CEMIP2: variants seen among roughly 807,000 people sequenced by gnomAD.
CEMIP2 encodes cell surface hyaluronidase CEMIP2.
A neutral mutation model predicts 146.9 loss-of-function variants in CEMIP2; 79 were observed. That is an observed-to-expected ratio of 0.54 (90% CI 0.45 to 0.65). CEMIP2 has a LOEUF of 0.65. Among genes scored for constraint, CEMIP2 ranks in the 30% least tolerant of loss-of-function variants. The pLI, the probability that CEMIP2 is intolerant of heterozygous loss-of-function variation, is 0.00. For missense variants in CEMIP2, 1,596 were observed against 1,696.2 expected (o/e 0.94, Z 1.04); for synonymous variants, 601 against 606.3 (o/e 0.99, Z 0.13).
intron 1 of CEMIP2, among the ~76,000 whole-genome samples, chr9:71,767,561 GACACT>G (rs1439482107): frequency 2.0e-5 from 3 of 152,216 alleles, no homozygotes; most frequent in Admixed American, 1.3e-4. Context: ...GAAGTCTGGT[GACACT>G]CATCAACCCT....
chr9:71,744,802 C>T (rs758112628), intron 4 of CEMIP2, among the ~76,000 whole-genome samples: 1 of 152,176 alleles, frequency 6.6e-6, no homozygotes, highest in Non-Finnish European at 1.5e-5. Context: ...CACTCCAGTT[C>T]ACAAAGGGCT....
At position 71,732,343 on chromosome 9, in the gene CEMIP2, T is replaced by C. The variant is rs1345372373; in HGVS notation, c.1563+8A>G. The stretch of plus-strand genomic sequence containing the variant: ...ATTTCAAAGAAATAATCAAATCCTT[T>C]TGCCTACCATAATGTGTCCCCCAAA... On this transcript the variant is annotated splice_region_variant and intron_variant, in intron 7 of 23. Transcript: ENST00000377044. The C allele has an allele frequency of 1.9e-6, 3 of 1,585,856 alleles. No individual in the cohort carries two copies. The highest frequency in any genetic ancestry group is 2.6e-6 in the Non-Finnish European group (3 of 1,170,502).
At chr9:71,725,201 A>G (rs887675564) in intron 11 of CEMIP2, among the ~76,000 whole-genome samples, 2 of 152,222 alleles carry the variant, frequency 1.3e-5, no homozygotes, top group Admixed American at 1.3e-4. Context: ...CCCAAAAAGC[A>G]TGTGTTAGAA....
intron 17 of CEMIP2, among the ~76,000 whole-genome samples, chr9:71,705,479 G>C (rs1222230576): frequency 6.6e-6 from 1 of 152,084 alleles, no homozygotes; most frequent in Non-Finnish European, 1.5e-5. Flanking sequence ...ATCAGTATCT[G>C]TAACCAAATT....
Position 71,725,698 on chromosome 9 carries a change from T to C in CEMIP2, c.2061A>G (p.Ile687Met), listed in dbSNP as rs908841723. The C allele has an allele frequency of 3.7e-6, 6 of 1,612,834 alleles. No homozygotes were observed. In the African/African-American group the frequency reaches 6.7e-5, roughly 18 times the overall value. Reference protein sequence around the residue: ...NAAAGSQDAGIWYLFHKEPTG... With the variant: ...NAAAGSQDAGMWYLFHKEPTG... ...TTGGTTCCTTGTGGAATAAATACCA[T>C]ATTCCAGCATCCTACAAATGAAAGG... The change falls in exon 11 of 24, where the codon ATA becomes ATG. Residue 687 changes from isoleucine to methionine, a missense_variant. Ile to Met is a conservative substitution (Grantham distance 10, BLOSUM62 1). Coordinates refer to ENST00000377044, the MANE Select transcript of CEMIP2 (RefSeq NM_013390.3).
intron 17 of CEMIP2, among the ~76,000 whole-genome samples, chr9:71,706,292 T>C (rs758851783): frequency 3.3e-5 from 5 of 150,660 alleles, no homozygotes; most frequent in Non-Finnish European, 5.9e-5. Context: ...AATAGTTAAA[T>C]CATGATCATT....
At chr9:71,699,476 A>G in intron 19 of CEMIP2, 1 of 421,520 alleles carries the variant, frequency 2.4e-6, no homozygotes, top group Non-Finnish European at 4.6e-6. Context: ...GAAAGAAAGA[A>G]AGAAAAAGAA....
At chr9:71,712,389 C>A in intron 15 of CEMIP2, 129 bp from the exon 16 acceptor site, 1 of 776,650 alleles carries the variant, frequency 1.3e-6, no homozygotes, top group Non-Finnish European at 2.1e-6. Flanking sequence ...CAGTAGGAGC[C>A]AAAACAAGAT....
rs201268040 is a variant in CEMIP2, at chr9:71,738,245, A to AACCATG, written c.1204+1812_1204+1817dup. 5.1e-3 allele frequency among the ~76,000 whole-genome samples: 775 copies of AACCATG among 152,290 alleles called. 35 individuals carry two copies. The highest frequency in any genetic ancestry group is 0.047 in the Admixed American group (725 of 15,284). On this transcript the variant is annotated intron_variant, in intron 5 of 23. Coordinates refer to ENST00000377044, the MANE Select transcript of CEMIP2 (RefSeq NM_013390.3). ...TTTTCATATAAAATTTCAGTAATGC[A>AACCATG]ACCATGCCTGTCATCCCAGCACTTT... is the stretch of plus-strand genomic sequence containing the variant.
chr9:71,725,631 G>A lies in CEMIP2; in HGVS notation c.2128C>T (p.Leu710Phe), dbSNP rs1301647199. The A allele has an allele frequency of 6.2e-7, 1 of 1,613,994 alleles. No homozygotes were observed. ...TTATAAAATATACCCAATGGAGTGA[G>A]TTCTGGTTTTGCCAAGAGCTGCAAT... ...SGLQLLAKPELTPLGIFYNNR... is the reference protein window; with the variant it reads ...SGLQLLAKPEFTPLGIFYNNR... The change falls in exon 11 of 24, where the codon CTC becomes TTC. Residue 710 changes from leucine to phenylalanine, a missense_variant. Physicochemically the swap from Leu to Phe is conservative, Grantham distance 22. Coordinates refer to ENST00000377044, the MANE Select transcript of CEMIP2 (RefSeq NM_013390.3).
At chr9:71,715,237 CTTTTTTTTTTTTTTT>C (rs34322815) in intron 14 of CEMIP2, 148 bp from the exon 15 acceptor site, 6 of 232,770 alleles carry the variant, frequency 2.6e-5, no homozygotes, top group African/African-American at 1.7e-4. Context: ...TCAGAAACTG[CTTTTTTTTTTTTTTT>C]TTTTTTTTGA....
chr9:71,725,830 G>T, intron 10 of CEMIP2, 121 bp from the exon 11 acceptor site: 1 of 1,122,068 alleles, frequency 8.9e-7, no homozygotes, highest in Non-Finnish European at 1.2e-6. Flanking sequence ...TTTCATTATT[G>T]CAGGTTCAGA....
At chr9:71,687,713 A>G (rs1334621673) in intron 22 of CEMIP2, among the ~76,000 whole-genome samples, 3 of 152,046 alleles carry the variant, frequency 2.0e-5, no homozygotes, top group Non-Finnish European at 2.9e-5. Flanking sequence ...AAAAACAAAA[A>G]ATAACCAGCC....
At chr9:71,726,471 T>C (rs1417648966) in intron 10 of CEMIP2, among the ~76,000 whole-genome samples, 1 of 152,216 alleles carries the variant, frequency 6.6e-6, no homozygotes, top group Non-Finnish European at 1.5e-5. Context: ...AATCATACAG[T>C]GTAAAAGGAC....
chr9:71,738,161 A>T (rs904436041), intron 5 of CEMIP2, among the ~76,000 whole-genome samples: 1 of 152,206 alleles, frequency 6.6e-6, no homozygotes, highest in Admixed American at 6.5e-5. Context: ...CCCTACCCCA[A>T]ATTTCACATT....
intron 5 of CEMIP2, among the ~76,000 whole-genome samples, chr9:71,739,793 T>C (rs545427185): frequency 9.5e-4 from 145 of 152,302 alleles, no homozygotes; most frequent in African/African-American, 3.4e-3. Context: ...TCAGCTATTA[T>C]TAGTGTTACT....
chr9:71,693,967 G>A (rs565073485), intron 21 of CEMIP2, among the ~76,000 whole-genome samples: 6 of 152,268 alleles, frequency 3.9e-5, no homozygotes, highest in East Asian at 1.9e-4. Flanking sequence ...CCCCTGGACC[G>A]TTCTACCCTG....
chr9:71,719,733 A>G (rs1488060063), intron 12 of CEMIP2, among the ~76,000 whole-genome samples: 1 of 151,300 alleles, frequency 6.6e-6, no homozygotes, highest in Admixed American at 6.7e-5. Flanking sequence ...CTCTAAGCCA[A>G]CATCTACTCT....
intron 10 of CEMIP2, among the ~76,000 whole-genome samples, chr9:71,727,167 G>A (rs1029184154): frequency 1.1e-4 from 16 of 152,190 alleles, no homozygotes; most frequent in African/African-American, 3.9e-4. Flanking sequence ...TCTCACATGA[G>A]CCACAGTAAG....
Sources: allele counts gnomAD v4.1 joint callset (sites outside exome capture counted in the v4.1 genomes callset), GRCh38; gene constraint gnomAD v4.1.1; transcripts MANE v1.5; gene names NCBI Gene and HGNC (gene_info 2026-07-23, HGNC 2026-07-21).